CDK11B: variants seen among roughly 807,000 people sequenced by gnomAD.
The protein encoded by CDK11B is cyclin dependent kinase 11B.
Under a neutral mutation model 84.0 loss-of-function variants are expected in CDK11B, and 37 were observed. The ratio of observed to expected loss-of-function variants is 0.44; its 90% CI spans 0.34 to 0.58. CDK11B has a LOEUF of 0.58. Ranked by LOEUF, CDK11B falls within the 20% of genes least tolerant of loss-of-function variation. CDK11B has a pLI of 0.02. For synonymous variants in CDK11B, 269 were observed against 309.8 expected (o/e 0.87, Z 1.38); for missense variants, 427 against 834.0 (o/e 0.51, Z 6.01).
At chr1:1,657,542 G>C (rs1344865679) in intron 1 of CDK11B, 44 bp from the exon 2 acceptor site, 1 of 1,310,146 alleles carries the variant, frequency 7.6e-7, no homozygotes, top group Non-Finnish European at 1.0e-6. Context: ...GACACAGCAA[G>C]CTATGGTGCT....
chr1:1,657,683 G>A (rs1167729168), intron 1 of CDK11B, among the ~76,000 whole-genome samples, 185 bp from the exon 2 acceptor site: 10 of 124,422 alleles, frequency 8.0e-5, no homozygotes, highest in Non-Finnish European at 1.5e-4. Flanking sequence ...CAGATCGCTG[G>A]AGTTCCGGAG....
chr1:1,656,891 C>T (rs1162233400), intron 2 of CDK11B, among the ~76,000 whole-genome samples: 1 of 152,188 alleles, frequency 6.6e-6, no homozygotes, highest in Admixed American at 6.5e-5. Flanking sequence ...TATGCCTGTA[C>T]TCACTAACAT....
chr1:1,647,249 C>T (rs575727636), intron 5 of CDK11B, among the ~76,000 whole-genome samples: 131 of 152,380 alleles, frequency 8.6e-4, no homozygotes, highest in Non-Finnish European at 1.3e-3. Flanking sequence ...GACACTCAGA[C>T]AGTTTTTACT....
At position 1,655,428 on chromosome 1, in the gene CDK11B, G is replaced by T. The variant is rs758430961; in HGVS notation, c.168C>A (p.His56Gln). ...DSLEEGELRD[H>Q]RMEITIRNSP... is the part of the protein sequence containing the mutation. ...AGTTCCTTATTGTGATCTCCATGCG[G>T]TGATCTCTCAGCTCCCCCTCCTCAA... The change falls in exon 3 of 20, where the codon CAC becomes CAA. Residue 56 changes from histidine to glutamine, a missense_variant. His to Gln is a conservative substitution (Grantham distance 24). This residue lies in a region of CDK11B where 57 missense variants were observed against 62.2 expected (regional missense o/e 0.92). Coordinates refer to ENST00000341832, the MANE Select transcript of CDK11B (RefSeq NM_033486.3). The T allele has an allele frequency of 5.0e-6, 8 of 1,613,410 alleles. No individual in the cohort carries two copies. Among genetic ancestry groups the T allele is most frequent in the Non-Finnish European group, 5.1e-6 (6 of 1,179,470 alleles).
Position 1,637,005 on chromosome 1 carries a change from C to A in CDK11B, c.1693-1G>T. On this transcript the variant is annotated splice_acceptor_variant, in intron 15 of 19. Coordinates refer to ENST00000341832, the MANE Select transcript of CDK11B (RefSeq NM_033486.3). LOFTEE classifies it high-confidence loss of function. ...CCCGCGCCAGCCCGAAGTCACCCAC[C>A]TGCAACGACAGATGGGCGGCTGTGA... 1.2e-5 allele frequency: 20 copies of A among 1,612,722 alleles called. No homozygotes were observed. The highest frequency in any genetic ancestry group is 1.7e-5 in the Non-Finnish European group (20 of 1,179,316).
At chr1:1,650,057 A>T (rs1267126580) in intron 4 of CDK11B, among the ~76,000 whole-genome samples, 3 of 150,942 alleles carry the variant, frequency 2.0e-5, no homozygotes, top group Admixed American at 1.3e-4. Flanking sequence ...GCGGATCACA[A>T]GGTCAGATCG....
At chr1:1,636,616 C>T (rs192957649) in intron 17 of CDK11B, 66 bp downstream of exon 17, 2 of 1,605,818 alleles carry the variant, frequency 1.2e-6, no homozygotes, top group Non-Finnish European at 1.7e-6. Flanking sequence ...ACCTGTGCGC[C>T]CCGCAGCCCC....
chr1:1,651,963 C>T (rs1246596570), intron 4 of CDK11B, among the ~76,000 whole-genome samples: 1 of 151,566 alleles, frequency 6.6e-6, no homozygotes, highest in Non-Finnish European at 1.5e-5. Context: ...CTAGAGTTTG[C>T]TCTGTATAGC....
Position 1,635,554 on chromosome 1 carries a change from C to T in CDK11B, c.*210G>A, listed in dbSNP as rs1337402013. 6.0e-6 allele frequency: 3 copies of T among 503,494 alleles called. 1 individual carries two copies. The highest frequency in any genetic ancestry group is 2.3e-5 in the South Asian group (1 of 44,374). The allele number at this position is 503,494 out of a possible 1,614,324, so 31.2% of individuals were successfully genotyped here. On this transcript the variant is annotated 3_prime_UTR_variant, in exon 20 of 20. Coordinates refer to ENST00000341832, the MANE Select transcript of CDK11B (RefSeq NM_033486.3). ...GGCACCCGAAGATGTCCACCCTCTCCGCCCTGGGCAAGTCACGGAGAAAAC... is the reference window on the plus strand; with the variant it reads ...GGCACCCGAAGATGTCCACCCTCTCTGCCCTGGGCAAGTCACGGAGAAAAC...
chr1:1,648,093 C>T (rs914665318), intron 5 of CDK11B, among the ~76,000 whole-genome samples: 7 of 152,272 alleles, frequency 4.6e-5, no homozygotes, highest in African/African-American at 1.2e-4. Flanking sequence ...TGGCGTCATG[C>T]GGTCCTCTGG....
intron 11 of CDK11B, 131 bp downstream of exon 11, chr1:1,640,146 T>C: frequency 5.1e-6 from 5 of 974,554 alleles, no homozygotes; most frequent in Non-Finnish European, 7.4e-6. Flanking sequence ...TGCCCGCCCG[T>C]CACTGCCCCA....
intron 5 of CDK11B, among the ~76,000 whole-genome samples, chr1:1,647,962 A>G (rs1282735583): frequency 1.3e-5 from 2 of 152,290 alleles, no homozygotes; most frequent in African/African-American, 2.4e-5. Context: ...CTCAGGCCAG[A>G]AGGTCAGATT....
intron 3 of CDK11B, 138 bp from the exon 4 acceptor site, chr1:1,652,704 T>C: frequency 1.6e-6 from 1 of 640,440 alleles, no homozygotes; most frequent in South Asian, 4.9e-5. Flanking sequence ...AAAAATTACA[T>C]TAATTCTCCA....
intron 6 of CDK11B, among the ~76,000 whole-genome samples, chr1:1,644,033 T>TA (rs1640642858): frequency 6.6e-6 from 1 of 152,050 alleles, no homozygotes; most frequent in Admixed American, 6.5e-5. Flanking sequence ...AACCCATTAT[T>TA]AAACAGTTGA....
chr1:1,640,967 G>A lies in CDK11B; in HGVS notation c.1075+81C>T, dbSNP rs1239703053. The A allele has an allele frequency of 4.8e-5, 77 of 1,597,968 alleles. 1 individual carries two copies. Among genetic ancestry groups the A allele is most frequent in the South Asian group, 3.6e-4 (32 of 89,772 alleles). ...CAGACCCTGGCGTGCCCCACGCTGC[G>A]CAGGACCGGCTGTCTTAGGAGAGGG... is the stretch of plus-strand genomic sequence containing the variant. On this transcript the variant is annotated intron_variant, in intron 10 of 19. Transcript: ENST00000341832.
At position 1,640,260 on chromosome 1, in the gene CDK11B, C is replaced by T. The variant is rs775877993; in HGVS notation, c.1251+17G>A. 4.3e-5 allele frequency: 69 copies of T among 1,612,114 alleles called. No individual in the cohort carries two copies. Among genetic ancestry groups the T allele is most frequent in the African/African-American group, 3.2e-4 (24 of 74,838 alleles). ...TGCCAATGCGGACAGTGGCCCGGGGCGAGGGGAGGGCCTGACCTGCAGGGC... is the reference window on the plus strand; with the variant it reads ...TGCCAATGCGGACAGTGGCCCGGGGTGAGGGGAGGGCCTGACCTGCAGGGC... On this transcript the variant is annotated intron_variant, in intron 11 of 19. Transcript: ENST00000341832.
Position 1,658,918 on chromosome 1 carries a change from ACGCCGCCGCCGCTGC to A in CDK11B, c.-33_-19del, listed in dbSNP as rs1390664464. The A allele has an allele frequency of 3.1e-5, 6 of 192,072 alleles. No individual in the cohort carries two copies. Among genetic ancestry groups the A allele is most frequent in the South Asian group, 1.4e-4 (2 of 14,050 alleles). 11.9% of individuals were successfully genotyped at this position (192,072 alleles called of 1,614,324 possible). ...GTCCGCCCAGTCGGAACTCACCCCT[ACGCCGCCGCCGCTGC>A]CGCCGCCGCCGCCGCCGGTCCCGGA... On this transcript the variant is annotated 5_prime_UTR_variant, in exon 1 of 20. Coordinates refer to ENST00000341832, the MANE Select transcript of CDK11B (RefSeq NM_033486.3).
intron 2 of CDK11B, among the ~76,000 whole-genome samples, chr1:1,656,887 T>C (rs1303516621): frequency 2.0e-5 from 3 of 152,252 alleles, no homozygotes; most frequent in Non-Finnish European, 4.4e-5. Context: ...AAGGTATGCC[T>C]GTACTCACTA....
In CDK11B at chr1:1,641,737, CCT is replaced by C; in HGVS notation, c.932_933del (p.Glu311GlyfsTer18). 4.9e-6 allele frequency: 4 copies of C among 821,132 alleles called. No homozygotes were observed. Among genetic ancestry groups the C allele is most frequent in the South Asian group, 1.5e-5 (1 of 64,766 alleles). 50.9% of individuals were successfully genotyped at this position (821,132 alleles called of 1,614,324 possible). On this transcript the variant is annotated frameshift_variant, in exon 9 of 20. Coordinates refer to ENST00000341832, the MANE Select transcript of CDK11B (RefSeq NM_033486.3). LOFTEE classifies it high-confidence loss of function. ...TCCTCTTCCTCTTCCTCCTCCTCCTCCTCTGATTCTTCACTGGTGCTCCCTTC... is the reference window on the plus strand; with the variant it reads ...TCCTCTTCCTCTTCCTCCTCCTCCTCCTGATTCTTCACTGGTGCTCCCTTC... The part of the protein sequence containing the change: ...EEEGSTSEES[E>X]EEEEEEEEEE...
Sources: gnomAD v4.1 joint callset for allele counts (sites outside exome capture counted in the v4.1 genomes callset) on GRCh38, gnomAD v4.1.1 for gene constraint, gnomAD v4.1.1 regional missense constraint, MANE v1.5 for transcripts, NCBI Gene and HGNC (gene_info 2026-07-23, HGNC 2026-07-21) for gene names.